Variants in SOCS2 observed in about 807,000 individuals in gnomAD.
SOCS2 encodes suppressor of cytokine signaling 2.
A neutral mutation model predicts 18.6 loss-of-function variants in SOCS2; 10 were observed. That is an observed-to-expected ratio of 0.54 (90% CI 0.33 to 0.91). SOCS2 has a LOEUF of 0.91. Ranked by LOEUF, SOCS2 falls within the 40% of genes least tolerant of loss-of-function variation. The probability of loss-of-function intolerance (pLI) is 0.02; values close to 1 mark genes in which losing one functional copy is unlikely to be tolerated. For synonymous variants in SOCS2, 104 were observed against 104.0 expected (o/e 1.00, Z 0.00); for missense variants, 231 against 247.2 (o/e 0.93, Z 0.44).
chr12:93,611,529 G>A, the SOCS2 span, among the ~76,000 whole-genome samples: 3 of 152,160 alleles, frequency 2.0e-5, no homozygotes, highest in South Asian at 2.1e-4. Context: ...GAGCCACCTC[G>A]TCTGGCCAAG....
downstream of SOCS2, among the ~76,000 whole-genome samples, chr12:93,587,961 G>A (rs772841780): frequency 1.3e-5 from 2 of 152,228 alleles, no homozygotes; most frequent in African/African-American, 2.4e-5. Flanking sequence ...CAGAGTGACC[G>A]CATCAGATTT....
the SOCS2 span, among the ~76,000 whole-genome samples, chr12:93,591,884 G>T: frequency 6.6e-6 from 1 of 152,226 alleles, no homozygotes; most frequent in Admixed American, 6.5e-5. Context: ...GGTCTCACTA[G>T]ACCGTATATG....
chr12:93,596,809 C>A, the SOCS2 span, among the ~76,000 whole-genome samples: 7 of 152,222 alleles, frequency 4.6e-5, no homozygotes, highest in African/African-American at 1.7e-4. Flanking sequence ...GACTGGGAGA[C>A]GGAGCAAGAC....
At chr12:93,604,740 G>T in the SOCS2 span, among the ~76,000 whole-genome samples, 2 of 151,994 alleles carry the variant, frequency 1.3e-5, no homozygotes, top group African/African-American at 2.4e-5. Flanking sequence ...GCTCACTGTA[G>T]CTTTGACCTC....
the SOCS2 span, among the ~76,000 whole-genome samples, chr12:93,615,483 A>G: frequency 6.6e-6 from 1 of 152,246 alleles, no homozygotes; most frequent in Non-Finnish European, 1.5e-5. Flanking sequence ...TTGTACAGGC[A>G]GTTATGTCAC....
the SOCS2 span, among the ~76,000 whole-genome samples, chr12:93,621,957 A>G: frequency 1.8e-4 from 27 of 152,304 alleles, no homozygotes; most frequent in South Asian, 1.7e-3. Flanking sequence ...AGTACTTGCT[A>G]TTATTATTAC....
chr12:93,615,016 C>T, the SOCS2 span, among the ~76,000 whole-genome samples: 2 of 151,760 alleles, frequency 1.3e-5, no homozygotes, highest in Admixed American at 6.6e-5. Flanking sequence ...TTGTCATTGC[C>T]ACTTAATTTT....
At chr12:93,614,488 C>CTTCCTTCT in the SOCS2 span, among the ~76,000 whole-genome samples, 17 of 28,682 alleles carry the variant, frequency 5.9e-4, 1 homozygote, top group Admixed American at 2.5e-3. Flanking sequence ...CCTTTCCTTC[C>CTTCCTTCT]TTCCTTCCTT....
the SOCS2 span, among the ~76,000 whole-genome samples, chr12:93,610,053 C>A: frequency 6.6e-6 from 1 of 152,176 alleles, no homozygotes; most frequent in African/African-American, 2.4e-5. Flanking sequence ...GATCTAATCA[C>A]CTTTTAAAGG....
the SOCS2 span, among the ~76,000 whole-genome samples, chr12:93,615,142 A>T: frequency 6.6e-6 from 1 of 151,996 alleles, no homozygotes; most frequent in Non-Finnish European, 1.5e-5. Context: ...GAGCTGCCTT[A>T]TCATCCTGCC....
the SOCS2 span, among the ~76,000 whole-genome samples, chr12:93,614,389 CT>C: frequency 2.2e-5 from 3 of 139,120 alleles, 1 homozygote. Context: ...TTCTTTCTTT[CT>C]TTCTTTCTTT....
the SOCS2 span, among the ~76,000 whole-genome samples, chr12:93,609,726 G>A: frequency 2.4e-4 from 37 of 152,086 alleles, 1 homozygote; most frequent in Non-Finnish European, 4.7e-4. Flanking sequence ...CTGTTCCCTA[G>A]GGATCTGTGG....
chr12:93,607,676 A>G, the SOCS2 span, among the ~76,000 whole-genome samples: 1 of 152,222 alleles, frequency 6.6e-6, no homozygotes. Flanking sequence ...ATCAAAATCA[A>G]TACTATTTTA....
downstream of SOCS2, among the ~76,000 whole-genome samples, chr12:93,588,457 T>TA (rs554606877): frequency 1.3e-5 from 2 of 152,008 alleles, no homozygotes; most frequent in Non-Finnish European, 2.9e-5. Context: ...AAGGGGTCCA[T>TA]AAAAAAAGTC....
chr12:93,599,517 T>C, the SOCS2 span, among the ~76,000 whole-genome samples: 1 of 152,168 alleles, frequency 6.6e-6, no homozygotes, highest in African/African-American at 2.4e-5. Flanking sequence ...AAACAATCCT[T>C]CGTTGGATTT....
downstream of SOCS2, among the ~76,000 whole-genome samples, chr12:93,578,907 G>T (rs183012982): frequency 9.2e-5 from 14 of 152,338 alleles, 1 homozygote; most frequent in African/African-American, 2.4e-4. Context: ...AGCCAGGCCT[G>T]TGGAATACCC....
At chr12:93,573,078 C>T (rs1185888131) in intron 1 of SOCS2, 42 bp downstream of exon 1, 17 of 1,545,280 alleles carry the variant, frequency 1.1e-5, no homozygotes, top group Non-Finnish European at 1.5e-5. Context: ...GAGGGAGCGC[C>T]TCCCCAAGGA....
At position 93,572,802 on chromosome 12, in the gene SOCS2, GT is replaced by G; in HGVS notation, c.-92del. ...CATTTCGGACACCCCGCAGGGACTC[GT>G]TTTGGGATTCGCACTGACTTCAAGG... On this transcript the variant is annotated 5_prime_UTR_variant, in exon 1 of 2. Transcript: ENST00000551556. This position sits in a 1 kb window ranked among gnomAD's most constrained non-coding sequence, Gnocchi z 5.0. 6.6e-7 allele frequency: 1 copy of G among 1,505,572 alleles called. No individual in the cohort carries two copies. Among genetic ancestry groups the G allele is most frequent in the Non-Finnish European group, 9.0e-7 (1 of 1,108,628 alleles). 93.3% of individuals were successfully genotyped at this position (1,505,572 alleles called of 1,614,324 possible).
the SOCS2 span, among the ~76,000 whole-genome samples, chr12:93,622,238 T>C: frequency 1.3e-5 from 2 of 152,214 alleles, no homozygotes; most frequent in African/African-American, 4.8e-5. Flanking sequence ...ACCTTGGTAG[T>C]GTGCCCTGAT....
Sources: allele counts gnomAD v4.1 joint callset (sites outside exome capture counted in the v4.1 genomes callset), GRCh38; gene constraint gnomAD v4.1.1; non-coding constraint Gnocchi (gnomAD v3.1); transcripts MANE v1.5; gene names NCBI Gene and HGNC (gene_info 2026-07-23, HGNC 2026-07-21).